The following XRN1 variants were observed in gnomAD, a reference collection of about 807,000 sequenced individuals.
The protein encoded by XRN1 is strand-exchange protein 1 homolog.
A neutral mutation model predicts 222.3 loss-of-function variants in XRN1; 67 were observed. That is an observed-to-expected ratio of 0.30 (90% CI 0.25 to 0.37). The LOEUF (loss-of-function observed/expected upper bound fraction) is 0.37, where lower values mean the gene tolerates loss of function less well. Among genes scored for constraint, XRN1 ranks in the 10% least tolerant of loss-of-function variants. The pLI, the probability that XRN1 is intolerant of heterozygous loss-of-function variation, is 1.00. For synonymous variants in XRN1, 643 were observed against 652.4 expected, an observed-to-expected ratio of 0.99 and a Z score of 0.22; for missense variants, 1,707 against 2,000.2, an observed-to-expected ratio of 0.85 and a Z score of 2.80.
chr3:142,388,234 A>G (rs1269991474), intron 20 of XRN1, among the ~76,000 whole-genome samples: 2 of 151,908 alleles, frequency 1.3e-5, no homozygotes. Context: ...GAAGATGAAA[A>G]CTGTTATGAT....
intron 18 of XRN1, among the ~76,000 whole-genome samples, chr3:142,402,994 G>A (rs888281303): frequency 2.6e-5 from 4 of 151,988 alleles, no homozygotes; most frequent in African/African-American, 9.7e-5. Flanking sequence ...CGCTTTCTTT[G>A]ATTTCTCTTT....
In XRN1 at chr3:142,403,688, C is replaced by G; in HGVS notation, c.2089G>C (p.Glu697Gln). 1.2e-6 allele frequency: 2 copies of G among 1,612,932 alleles called. No individual in the cohort carries two copies. The highest frequency in any genetic ancestry group is 1.7e-6 in the Non-Finnish European group (2 of 1,179,242). ...NMMLEILVDA[E>Q]SDELTVENVA... ...AAAATACTTACAAGTTCATCTGATT[C>G]TGCATCCACTAAGATTTCCAACATC... The change falls in exon 18 of 41, where the codon GAA becomes CAA. Residue 697 changes from glutamate to glutamine, a missense_variant. Glu to Gln is a conservative substitution (Grantham distance 29). Coordinates refer to ENST00000392981, the MANE Select transcript of XRN1 (RefSeq NM_001282857.2).
rs115917635 is a variant in XRN1 at position 142,382,062 on chromosome 3, C to T, written c.2616+1238G>A. Among the ~76,000 whole-genome samples, 1,138 of 152,278 alleles carry T rather than the reference C, an allele frequency of 7.5e-3. 7 individuals carry two copies. The highest frequency in any genetic ancestry group is 0.012 in the Non-Finnish European group (829 of 68,012). ...CCAAAGGGTATTACATCTGGAGGTA[C>T]ACAATGTTCATCTGTCCTTTAATGC... On this transcript the variant is annotated intron_variant, in intron 22 of 40. Transcript: ENST00000392981.
intron 37 of XRN1, among the ~76,000 whole-genome samples, chr3:142,321,429 C>A (rs772331583): frequency 6.6e-6 from 1 of 152,086 alleles, no homozygotes; most frequent in Non-Finnish European, 1.5e-5. Flanking sequence ...CTATCCACTT[C>A]CAACTGAATG....
intron 21 of XRN1, 126 bp downstream of exon 21, chr3:142,384,397 T>G (rs1577337096): frequency 1.6e-6 from 1 of 621,736 alleles, no homozygotes; most frequent in East Asian, 3.5e-5. Context: ...TAAATTATAT[T>G]AAATGATAAT....
Position 142,309,320 on chromosome 3 carries a change from T to C in XRN1, c.*2191A>G, listed in dbSNP as rs1577193623. 6.6e-6 allele frequency: 1 copy of C among 152,044 alleles called. No homozygotes were observed. Among genetic ancestry groups the C allele is most frequent in the Non-Finnish European group, 1.5e-5 (1 of 68,052 alleles). The allele number at this position is 152,044 out of a possible 1,614,324, so 9.4% of individuals were successfully genotyped here. ...CTCACTGCAGACTCTGCCTCGCGGG[T>C]TCAAATGATTCTCATGCCTCAGCCT... On this transcript the variant is annotated 3_prime_UTR_variant, in exon 41 of 41. Transcript: ENST00000392981.
intron 8 of XRN1, 94 bp downstream of exon 8, chr3:142,422,488 C>A: frequency 7.8e-7 from 1 of 1,281,196 alleles, no homozygotes. Flanking sequence ...TCTGCTTTAG[C>A]GTGCATGCAA....
intron 13 of XRN1, among the ~76,000 whole-genome samples, chr3:142,415,060 G>T (rs1052471381): frequency 2.6e-5 from 4 of 152,094 alleles, no homozygotes; most frequent in African/African-American, 9.7e-5. Flanking sequence ...GTGAGTCTGA[G>T]GTTATCTGGC....
chr3:142,349,249 C>T (rs931019103), intron 32 of XRN1, among the ~76,000 whole-genome samples: 2 of 152,152 alleles, frequency 1.3e-5, no homozygotes, highest in Non-Finnish European at 2.9e-5. Flanking sequence ...CCACTGCGCC[C>T]GGCCAGCTTT....
intron 25 of XRN1, 150 bp downstream of exon 25, chr3:142,375,648 T>G: frequency 1.4e-6 from 1 of 709,296 alleles, no homozygotes; most frequent in Non-Finnish European, 2.1e-6. Context: ...GCCTATGATA[T>G]TCCATGATGC....
intron 33 of XRN1, among the ~76,000 whole-genome samples, chr3:142,341,625 A>G (rs562093306): frequency 3.3e-5 from 5 of 152,286 alleles, no homozygotes; most frequent in Admixed American, 3.3e-4. Context: ...CAAAAGACAT[A>G]GAGTGGCTGA....
intron 33 of XRN1, among the ~76,000 whole-genome samples, chr3:142,343,898 C>G (rs1276039985): frequency 6.6e-6 from 1 of 151,938 alleles, no homozygotes; most frequent in Non-Finnish European, 1.5e-5. Context: ...GAGTACTATT[C>G]GGCCATAAAA....
chr3:142,327,520 G>T (rs2065552782), intron 37 of XRN1, among the ~76,000 whole-genome samples: 1 of 145,814 alleles, frequency 6.9e-6, no homozygotes, highest in East Asian at 2.0e-4. Flanking sequence ...TGTTGATTTT[G>T]CTTATCTTTT....
At position 142,400,456 on chromosome 3, in the gene XRN1, T is replaced by A; in HGVS notation, c.2195A>T (p.Asp732Val). 1 of 1,608,132 alleles carries A rather than the reference T, an allele frequency of 6.2e-7. No homozygotes were observed. The highest frequency in any genetic ancestry group is 8.5e-7 in the Non-Finnish European group (1 of 1,177,222). The change falls in exon 19 of 41, where the codon GAT becomes GTT. Residue 732 changes from aspartate to valine, a missense_variant. Physicochemically the swap from Asp to Val is radical, Grantham distance 152. Coordinates refer to ENST00000392981, the MANE Select transcript of XRN1 (RefSeq NM_001282857.2). Reference sequence around the variant, plus strand: ...AAATCTTACTTACTTAGTTTCTCCATCTGATACAGCCACGACTCTAGCTTC... The same window carrying A: ...AAATCTTACTTACTTAGTTTCTCCAACTGATACAGCCACGACTCTAGCTTC... ...LEEARVVAVSDGETKFYLEEP... is the reference protein window; with the variant it reads ...LEEARVVAVSVGETKFYLEEP...
intron 37 of XRN1, among the ~76,000 whole-genome samples, chr3:142,321,873 TAG>T (rs1339643403): frequency 6.6e-6 from 1 of 152,204 alleles, no homozygotes; most frequent in African/African-American, 2.4e-5. Context: ...GTGGAATCTT[TAG>T]AGTTTTCTAC....
chr3:142,318,519 TC>T (rs1403680767), intron 39 of XRN1, 72 bp downstream of exon 39: 2 of 1,334,666 alleles, frequency 1.5e-6, no homozygotes, highest in African/African-American at 1.5e-5. Flanking sequence ...TTGAGTACAT[TC>T]TTGATTTCTT....
intron 20 of XRN1, among the ~76,000 whole-genome samples, chr3:142,395,254 T>G (rs1443528401): frequency 6.6e-5 from 10 of 152,128 alleles, no homozygotes; most frequent in Admixed American, 6.6e-4. Context: ...TGAGATGGTA[T>G]CAGGGGGGAA....
At chr3:142,314,861 T>A (rs1365507976) in intron 39 of XRN1, among the ~76,000 whole-genome samples, 1 of 121,098 alleles carries the variant, frequency 8.3e-6, no homozygotes, top group Non-Finnish European at 1.6e-5. Context: ...GCCCTGATCA[T>A]GCCACTGCAC....
intron 20 of XRN1, among the ~76,000 whole-genome samples, chr3:142,385,793 T>C (rs755550927): frequency 6.6e-6 from 1 of 152,100 alleles, no homozygotes; most frequent in African/African-American, 2.4e-5. Context: ...TCTTTGTGCT[T>C]TTGTACTGCT....
Sources: allele counts gnomAD v4.1 joint callset (sites outside exome capture counted in the v4.1 genomes callset), GRCh38; gene constraint gnomAD v4.1.1; transcripts MANE v1.5; gene names NCBI Gene and HGNC (gene_info 2026-07-23, HGNC 2026-07-21).